INPP5A: variants seen among roughly 807,000 people sequenced by gnomAD.
INPP5A encodes inositol polyphosphate-5-phosphatase A.
In INPP5A, 14 loss-of-function variants were observed where a neutral mutation model predicts 65.2. The observed-to-expected ratio is 0.21, with a 90% CI of 0.14 to 0.34. INPP5A has a LOEUF of 0.34. Among genes scored for constraint, INPP5A ranks in the 10% least tolerant of loss-of-function variants. INPP5A has a pLI of 1.00. For synonymous variants in INPP5A, 207 were observed against 208.3 expected, an observed-to-expected ratio of 0.99 and a Z score of 0.05; for missense variants, 431 against 545.6, an observed-to-expected ratio of 0.79 and a Z score of 2.09.
intron 4 of INPP5A, among the ~76,000 whole-genome samples, chr10:132,660,760 G>A (rs1279147601): frequency 1.3e-5 from 2 of 152,222 alleles, no homozygotes; most frequent in Non-Finnish European, 2.9e-5. Flanking sequence ...CAGGGAGAGA[G>A]GTGAGGCAGT....
chr10:132,749,896 C>T (rs1846443108), intron 11 of INPP5A, 51 bp downstream of exon 11: 1 of 1,485,118 alleles, frequency 6.7e-7, no homozygotes, highest in Non-Finnish European at 9.4e-7. Context: ...ACATCCACGC[C>T]CCCAGGCCTT....
Position 132,676,049 on chromosome 10 carries a change from G to A in INPP5A, c.307-14343G>A, listed in dbSNP as rs1281358255. On this transcript the variant is annotated intron_variant, in intron 4 of 15. Transcript: ENST00000368594. The surrounding 1 kb of genome is among the most constrained non-coding windows in gnomAD (Gnocchi z 4.0). ...CTTACATAATTTAATTGGCATAAAA[G>A]TTTATTGATTTACTTGTATAATCAT... Among the ~76,000 whole-genome samples, 3 of 152,046 alleles carry A rather than the reference G, an allele frequency of 2.0e-5. No homozygotes were observed. Among genetic ancestry groups the A allele is most frequent in the African/African-American group, 4.8e-5 (2 of 41,372 alleles).
intron 1 of INPP5A, among the ~76,000 whole-genome samples, chr10:132,578,621 C>T (rs866577887): frequency 7.4e-4 from 41 of 55,642 alleles, no homozygotes; most frequent in East Asian, 6.7e-3. Flanking sequence ...GTGTGTGGGG[C>T]GTCTCACCCA....
intron 1 of INPP5A, among the ~76,000 whole-genome samples, chr10:132,588,012 C>CAAAAAAA (rs796469034): frequency 2.2e-3 from 125 of 55,680 alleles, no homozygotes; most frequent in East Asian, 3.3e-3. Flanking sequence ...AACTCCATCT[C>CAAAAAAA]AAAAAAAAAA....
At position 132,708,530 on chromosome 10, in the gene INPP5A, C is replaced by T. The variant is rs112438950; in HGVS notation, c.527+165C>T. 6.6e-5 allele frequency: 51 copies of T among 775,464 alleles called. 1 individual carries two copies. The highest frequency in any genetic ancestry group is 4.4e-4 in the African/African-American group (26 of 59,038). The allele number at this position is 775,464 out of a possible 1,614,324, so 48.0% of individuals were successfully genotyped here. Reference sequence around the variant, plus strand: ...CCACTCTGACCCTTTTGGTTCACGGCGATGCATTCGGAGCATTGTCACTGT... The same window carrying T: ...CCACTCTGACCCTTTTGGTTCACGGTGATGCATTCGGAGCATTGTCACTGT... On this transcript the variant is annotated intron_variant, in intron 7 of 15. Transcript: ENST00000368594.
chr10:132,578,082 A>T (rs1457624355), intron 1 of INPP5A, among the ~76,000 whole-genome samples: 1 of 152,240 alleles, frequency 6.6e-6, no homozygotes, highest in Non-Finnish European at 1.5e-5. Flanking sequence ...CATTGAATGA[A>T]GTAAACCAGG....
rs138980736 is a variant in INPP5A at position 132,769,629 on chromosome 10, G to A, written c.977+3783G>A. Among the ~76,000 whole-genome samples, 319 of 152,344 alleles carry A rather than the reference G, an allele frequency of 2.1e-3. 3 individuals carry two copies. The highest frequency in any genetic ancestry group is 6.3e-3 in the African/African-American group (260 of 41,574). On this transcript the variant is annotated intron_variant, in intron 12 of 15. Coordinates refer to ENST00000368594, the MANE Select transcript of INPP5A (RefSeq NM_005539.5). The stretch of plus-strand genomic sequence containing the variant: ...CCACTCTGGTCTCTGGAAACCAGGC[G>A]GCTATGAGTGGATGCGGGGTCAGGT...
chr10:132,683,793 C>T (rs1249757280), intron 4 of INPP5A, among the ~76,000 whole-genome samples: 4 of 152,198 alleles, frequency 2.6e-5, no homozygotes, highest in South Asian at 2.1e-4. Context: ...TGGCTCACTG[C>T]GACCTCTGCC....
chr10:132,745,603 A>T (rs1399388486), intron 9 of INPP5A, among the ~76,000 whole-genome samples: 2 of 104,718 alleles, frequency 1.9e-5, no homozygotes, highest in East Asian at 5.2e-4. Context: ...TGGTGGGCCC[A>T]CAGTGTGTCA....
At chr10:132,680,452 G>T (rs749278511) in intron 4 of INPP5A, among the ~76,000 whole-genome samples, 4 of 152,248 alleles carry the variant, frequency 2.6e-5, no homozygotes, top group Non-Finnish European at 5.9e-5. Flanking sequence ...CATTAGGATG[G>T]CTGTTGTCAA....
intron 1 of INPP5A, among the ~76,000 whole-genome samples, chr10:132,543,898 C>T (rs943539003): frequency 5.9e-5 from 9 of 152,254 alleles, no homozygotes; most frequent in South Asian, 2.1e-4. Context: ...GGGCTGTTCC[C>T]GCCTTCCGGT....
At chr10:132,687,789 G>A (rs573982103) in intron 4 of INPP5A, among the ~76,000 whole-genome samples, 1 of 152,330 alleles carries the variant, frequency 6.6e-6, no homozygotes, top group East Asian at 1.9e-4. Context: ...GGGTGGAGGC[G>A]GCACGTGTCC....
Position 132,661,398 on chromosome 10 carries a change from G to A in INPP5A, c.306+10893G>A, listed in dbSNP as rs113282131. ...AAGCTGTCAACTTGTAAATGATGCCGTTGGAAATTGAAATGTAAATAACAT... is the reference window on the plus strand; with the variant it reads ...AAGCTGTCAACTTGTAAATGATGCCATTGGAAATTGAAATGTAAATAACAT... On this transcript the variant is annotated intron_variant, in intron 4 of 15. Transcript: ENST00000368594. Among the ~76,000 whole-genome samples, 251 of 152,226 alleles carry A rather than the reference G, an allele frequency of 1.6e-3. 3 individuals are homozygous for A. Among genetic ancestry groups the A allele is most frequent in the African/African-American group, 5.4e-3 (225 of 41,532 alleles).
At chr10:132,563,079 G>A (rs1453009064) in intron 1 of INPP5A, among the ~76,000 whole-genome samples, 1 of 152,246 alleles carries the variant, frequency 6.6e-6, no homozygotes, top group Non-Finnish European at 1.5e-5. Context: ...CCCAGGCAGA[G>A]GGACTGCGAG....
At chr10:132,628,091 T>C (rs191721834) in intron 2 of INPP5A, among the ~76,000 whole-genome samples, 65 of 152,308 alleles carry the variant, frequency 4.3e-4, no homozygotes, top group African/African-American at 1.5e-3. Flanking sequence ...GTGTGGAAAT[T>C]AACCGCAAAC....
At chr10:132,655,495 A>G (rs753507893) in intron 4 of INPP5A, among the ~76,000 whole-genome samples, 1 of 152,210 alleles carries the variant, frequency 6.6e-6, no homozygotes, top group Non-Finnish European at 1.5e-5. Context: ...CCGGGCACGC[A>G]GGGAGCTCCG....
chr10:132,648,240 G>T (rs375648738), intron 3 of INPP5A, among the ~76,000 whole-genome samples: 2 of 152,286 alleles, frequency 1.3e-5, no homozygotes, highest in East Asian at 3.8e-4. Context: ...CACAGCAGGC[G>T]GGGACACCGC....
At chr10:132,734,591 G>A (rs909423981) in intron 9 of INPP5A, among the ~76,000 whole-genome samples, 1 of 152,220 alleles carries the variant, frequency 6.6e-6, no homozygotes, top group Non-Finnish European at 1.5e-5. Flanking sequence ...CAGCCCCATT[G>A]GTCCAGCAAG....
At chr10:132,609,548 G>A (rs1302301809) in intron 2 of INPP5A, among the ~76,000 whole-genome samples, 1 of 152,228 alleles carries the variant, frequency 6.6e-6, no homozygotes, top group Non-Finnish European at 1.5e-5. Flanking sequence ...GACCGGCAAG[G>A]AGCAGAACCT....
Sources: allele counts gnomAD v4.1 joint callset (sites outside exome capture counted in the v4.1 genomes callset), GRCh38; gene constraint gnomAD v4.1.1; non-coding constraint Gnocchi (gnomAD v3.1); transcripts MANE v1.5; gene names NCBI Gene and HGNC (gene_info 2026-07-23, HGNC 2026-07-21).